The following SLC25A28 variants were observed in gnomAD, a reference collection of about 807,000 sequenced individuals.
SLC25A28 encodes the protein solute carrier family 25 member 28.
A neutral mutation model predicts 31.9 loss-of-function variants in SLC25A28; 10 were observed. The ratio of observed to expected loss-of-function variants is 0.31; its 90% CI spans 0.19 to 0.53. SLC25A28 has a LOEUF of 0.53. SLC25A28 is among the 20% of genes least tolerant of loss of function. The probability of loss-of-function intolerance (pLI) is 0.95; values close to 1 mark genes in which losing one functional copy is unlikely to be tolerated. For missense variants in SLC25A28, 256 were observed against 490.3 expected (o/e 0.52, Z 4.51); for synonymous variants, 208 against 203.6 (o/e 1.02, Z -0.19).
At chr10:99,644,017 T>C in the SLC25A28 span, among the ~76,000 whole-genome samples, 2 of 152,040 alleles carry the variant, frequency 1.3e-5, no homozygotes, top group African/African-American at 4.8e-5. Context: ...AAGTGCGATG[T>C]GGTGCTGAGA....
At chr10:99,625,222 G>C (rs903162775), upstream of SLC25A28, among the ~76,000 whole-genome samples, 1 of 134,540 alleles carries the variant, frequency 7.4e-6, no homozygotes, top group African/African-American at 2.8e-5. Flanking sequence ...ATTCTGAAGA[G>C]TGAAAGAACA....
the SLC25A28 span, among the ~76,000 whole-genome samples, chr10:99,644,883 C>T: frequency 6.6e-6 from 1 of 152,258 alleles, no homozygotes; most frequent in Non-Finnish European, 1.5e-5. Context: ...AATATTGGCC[C>T]CCACTCTCTT....
chr10:99,620,686 A>C (rs1164995927), upstream of SLC25A28: 1 of 986,426 alleles, frequency 1.0e-6, no homozygotes. Flanking sequence ...CCCGCCTCTG[A>C]CTTTTAGAAG....
the SLC25A28 span, among the ~76,000 whole-genome samples, chr10:99,632,694 T>C: frequency 6.6e-6 from 1 of 152,226 alleles, no homozygotes; most frequent in Non-Finnish European, 1.5e-5. Flanking sequence ...TTCTTTCTAC[T>C]TCTTTTTTTC....
At chr10:99,634,239 C>CT in the SLC25A28 span, among the ~76,000 whole-genome samples, 2,212 of 152,216 alleles carry the variant, frequency 0.015, 60 homozygotes, top group African/African-American at 0.05. Flanking sequence ...AAACAAGGCT[C>CT]TTTTACACCC....
intron 2 of SLC25A28, 37 bp from the exon 3 acceptor site, chr10:99,612,636 A>AG (rs1484346764): frequency 6.2e-7 from 1 of 1,613,900 alleles, no homozygotes; most frequent in East Asian, 2.2e-5. Flanking sequence ...TGTAAGGCCA[A>AG]GAGAGCTGAC....
At chr10:99,620,533 GA>G, upstream of SLC25A28, 4 of 1,032,314 alleles carry the variant, frequency 3.9e-6, no homozygotes, top group Non-Finnish European at 4.6e-6. Context: ...CCTTACGTAC[GA>G]AAAATCAGCC....
At chr10:99,618,318 C>T (rs966256788) in intron 1 of SLC25A28, 1 of 984,792 alleles carries the variant, frequency 1.0e-6, no homozygotes, top group Non-Finnish European at 1.2e-6. Context: ...ATTTCTAAGA[C>T]AAATTATTAC....
the SLC25A28 span, chr10:99,653,797 G>C: frequency 6.6e-6 from 1 of 152,106 alleles, no homozygotes; most frequent in Non-Finnish European, 1.5e-5. Flanking sequence ...TAAGCCCAAG[G>C]GATTCCATCT....
chr10:99,612,652 C>T, intron 2 of SLC25A28, 53 bp from the exon 3 acceptor site: 2 of 1,605,208 alleles, frequency 1.2e-6, no homozygotes, highest in East Asian at 4.5e-5. Context: ...CTGACCAACT[C>T]ATTGAGGTCC....
At chr10:99,637,098 A>C in the SLC25A28 span, among the ~76,000 whole-genome samples, 1 of 152,238 alleles carries the variant, frequency 6.6e-6, no homozygotes, top group African/African-American at 2.4e-5. Context: ...CACCACGAGC[A>C]AGTGGGTTTC....
the SLC25A28 span, among the ~76,000 whole-genome samples, chr10:99,659,255 C>G: frequency 2.0e-5 from 3 of 152,334 alleles, no homozygotes; most frequent in East Asian, 5.8e-4. This position sits in a 1 kb window ranked among gnomAD's most constrained non-coding sequence, Gnocchi z 4.1. Context: ...CCTGTGAGCT[C>G]TCCGCGGGCC....
At chr10:99,627,600 C>T in the SLC25A28 span, among the ~76,000 whole-genome samples, 1 of 151,892 alleles carries the variant, frequency 6.6e-6, no homozygotes, top group Non-Finnish European at 1.5e-5. Flanking sequence ...ACTAATACAT[C>T]CGGCTAATTT....
At chr10:99,644,430 T>C in the SLC25A28 span, among the ~76,000 whole-genome samples, 1 of 152,216 alleles carries the variant, frequency 6.6e-6, no homozygotes, top group South Asian at 2.1e-4. Flanking sequence ...TAGATCTTCC[T>C]CCATCCCTTT....
chr10:99,625,071 T>C (rs550791052), upstream of SLC25A28, among the ~76,000 whole-genome samples: 28 of 149,362 alleles, frequency 1.9e-4, no homozygotes, highest in Non-Finnish European at 3.4e-4. Flanking sequence ...TTCCTTCAGA[T>C]GTTCAGATGT....
At chr10:99,621,035 C>T, upstream of SLC25A28, 1 of 960,010 alleles carries the variant, frequency 1.0e-6, no homozygotes, top group South Asian at 4.8e-5. Flanking sequence ...CGCGGGATCT[C>T]GTCGCGGGCG....
At chr10:99,636,015 A>G in the SLC25A28 span, among the ~76,000 whole-genome samples, 1 of 152,230 alleles carries the variant, frequency 6.6e-6, no homozygotes, top group Non-Finnish European at 1.5e-5. Context: ...CACCAGCACA[A>G]TAATAGTGGG....
At chr10:99,618,210 T>G in intron 1 of SLC25A28, 1 of 923,014 alleles carries the variant, frequency 1.1e-6, no homozygotes, top group Non-Finnish European at 1.3e-6. Context: ...TATAAAATGT[T>G]TATAGCAACA....
the SLC25A28 span, chr10:99,651,970 A>T: frequency 6.6e-6 from 1 of 152,112 alleles, no homozygotes; most frequent in African/African-American, 2.4e-5. Context: ...GAATCTAAGA[A>T]ATTTCAAGGC....
Sources: gnomAD v4.1 joint callset for allele counts (sites outside exome capture counted in the v4.1 genomes callset) on GRCh38, gnomAD v4.1.1 for gene constraint, Gnocchi (gnomAD v3.1) non-coding constraint, MANE v1.5 for transcripts, NCBI Gene and HGNC (gene_info 2026-07-23, HGNC 2026-07-21) for gene names.